The following FGF14 variants were observed in gnomAD, a reference collection of about 807,000 sequenced individuals.
The protein encoded by FGF14 is fibroblast growth factor homologous factor 4.
FGF14 carries 5 observed loss-of-function variants against 25.5 expected under a neutral mutation model. That is an observed-to-expected ratio of 0.20 (90% CI 0.10 to 0.41). The LOEUF (loss-of-function observed/expected upper bound fraction) is 0.41, where lower values mean the gene tolerates loss of function less well. Among genes scored for constraint, FGF14 ranks in the 10% least tolerant of loss-of-function variants. The pLI is 1.00. For synonymous variants in FGF14, 138 were observed against 118.3 expected (o/e 1.17, Z -1.08); for missense variants, 222 against 320.1 (o/e 0.69, Z 2.34).
At chr13:102,277,964 T>C (rs956344267) in intron 1 of FGF14, among the ~76,000 whole-genome samples, 23 of 152,196 alleles carry the variant, frequency 1.5e-4, no homozygotes, top group African/African-American at 5.1e-4. Context: ...CTTTGCAAAA[T>C]GATTGCCCCA....
intron 1 of FGF14, among the ~76,000 whole-genome samples, chr13:102,149,726 G>A (rs547692678): frequency 6.6e-5 from 10 of 152,330 alleles, no homozygotes; most frequent in African/African-American, 2.4e-4. Context: ...ACAGGGCGAC[G>A]AAGTCGAGGG....
At chr13:101,856,378 G>C (rs543292106) in intron 3 of FGF14, among the ~76,000 whole-genome samples, 1 of 151,806 alleles carries the variant, frequency 6.6e-6, no homozygotes, top group South Asian at 2.1e-4. Context: ...TATTCGACTG[G>C]CAATATCTAT....
Position 102,340,680 on chromosome 13 carries a change from A to C in FGF14, c.208+60791T>G, listed in dbSNP as rs563247194. ...AAATAGAGAAAGTGTCCAACAAACAAAACTTAAAATCTATATGTGGATCAA... is the reference window on the plus strand; with the variant it reads ...AAATAGAGAAAGTGTCCAACAAACACAACTTAAAATCTATATGTGGATCAA... On this transcript the variant is annotated intron_variant, in intron 1 of 4. Transcript: ENST00000376131. Among the ~76,000 whole-genome samples the C allele has an allele frequency of 3.9e-5, 6 of 152,332 alleles. No individual in the cohort carries two copies. In the South Asian group the frequency reaches 1.2e-3, roughly 32 times the overall value.
intron 1 of FGF14, among the ~76,000 whole-genome samples, chr13:101,922,258 T>G (rs2034056160): frequency 6.6e-6 from 1 of 152,156 alleles, no homozygotes; most frequent in Admixed American, 6.5e-5. Flanking sequence ...CCAAGACACC[T>G]AAAATTCTAT....
intron 3 of FGF14, among the ~76,000 whole-genome samples, chr13:101,736,741 T>C (rs1403229422): frequency 1.3e-5 from 2 of 152,082 alleles, no homozygotes. Context: ...CATTACCTCA[T>C]TGCATTCCTT....
intron 1 of FGF14, among the ~76,000 whole-genome samples, chr13:102,350,783 GAAGT>G (rs1270453448): frequency 2.0e-5 from 3 of 152,178 alleles, no homozygotes; most frequent in Non-Finnish European, 4.4e-5. Flanking sequence ...AGCTTCCACT[GAAGT>G]AAGGAGTGGC....
chr13:101,842,200 T>C (rs750541478), intron 3 of FGF14, among the ~76,000 whole-genome samples: 3 of 151,966 alleles, frequency 2.0e-5, no homozygotes, highest in Admixed American at 6.6e-5. Context: ...TTTTCCAGTA[T>C]TCTTCTCTGC....
intron 1 of FGF14, among the ~76,000 whole-genome samples, chr13:102,178,862 T>A (rs1469970005): frequency 6.6e-6 from 1 of 152,144 alleles, no homozygotes; most frequent in Non-Finnish European, 1.5e-5. Context: ...TACTTACCAC[T>A]GTACTTTAAA....
At chr13:102,021,647 G>A (rs768259038) in intron 1 of FGF14, among the ~76,000 whole-genome samples, 9 of 152,006 alleles carry the variant, frequency 5.9e-5, no homozygotes, top group Non-Finnish European at 7.4e-5. Flanking sequence ...ACCAAGCAGA[G>A]AAAATTGTTC....
chr13:101,961,711 G>A (rs2036869320), intron 1 of FGF14, among the ~76,000 whole-genome samples: 1 of 152,106 alleles, frequency 6.6e-6, no homozygotes, highest in Non-Finnish European at 1.5e-5. Context: ...ATGGTTTTAT[G>A]AGGGCCTTTT....
chr13:101,714,287 G>T lies in FGF14; in HGVS notation c.*8544C>A. The T allele has an allele frequency of 1.6e-6, 1 of 630,546 alleles. No homozygotes were observed. The highest frequency in any genetic ancestry group is 2.9e-6 in the Non-Finnish European group (1 of 350,200). The allele number at this position is 630,546 out of a possible 1,614,324, so 39.1% of individuals were successfully genotyped here. On this transcript the variant is annotated 3_prime_UTR_variant, in exon 5 of 5. Transcript: ENST00000376143. ...ACCTTTATGAATTACAGTAAGTAAA[G>T]CTCCCCTCTGAGAAACCAGCCATTC...
chr13:102,199,905 C>G (rs757845913), intron 1 of FGF14, among the ~76,000 whole-genome samples: 1 of 152,206 alleles, frequency 6.6e-6, no homozygotes, highest in Admixed American at 6.5e-5. Flanking sequence ...CTTTCCACAG[C>G]ACTTACTAGG....
chr13:101,893,450 C>A lies in FGF14; in HGVS notation c.194-18154G>T, dbSNP rs1318716120. Reference sequence around the variant, plus strand: ...CCTGAAAGCACCTACATTCTTATACCTGAAGTGTGTGACTGTGTTACATGA... The same window carrying A: ...CCTGAAAGCACCTACATTCTTATACATGAAGTGTGTGACTGTGTTACATGA... On this transcript the variant is annotated intron_variant, in intron 1 of 4. Transcript: ENST00000376143. Among the ~76,000 whole-genome samples, 3 of 152,060 alleles carry A rather than the reference C, an allele frequency of 2.0e-5. No homozygotes were observed. In the East Asian group the frequency reaches 5.8e-4, roughly 29 times the overall value.
chr13:101,863,600 G>A (rs989166371), intron 3 of FGF14, among the ~76,000 whole-genome samples: 1 of 152,052 alleles, frequency 6.6e-6, no homozygotes, highest in Non-Finnish European at 1.5e-5. Context: ...ATGAATTCAC[G>A]CAATACTCCA....
chr13:101,751,944 CA>C (rs942305173), intron 3 of FGF14, among the ~76,000 whole-genome samples: 38 of 151,618 alleles, frequency 2.5e-4, no homozygotes, highest in Middle Eastern at 3.4e-3. Flanking sequence ...AACAAACAAA[CA>C]AAAAAAACAA....
intron 1 of FGF14, among the ~76,000 whole-genome samples, chr13:102,188,480 A>G (rs2048960418): frequency 6.6e-6 from 1 of 152,246 alleles, no homozygotes. Flanking sequence ...CTTATGTGCC[A>G]GCAGGCTAAA....
chr13:101,866,596 C>CTAT (rs10527899), intron 3 of FGF14, among the ~76,000 whole-genome samples: 89,001 of 151,642 alleles, frequency 0.59, 27,137 homozygotes, highest in African/African-American at 0.75. Context: ...ATAGATATAG[C>CTAT]TATTATTTTA....
chr13:101,795,899 G>A (rs940184674), intron 3 of FGF14, among the ~76,000 whole-genome samples: 1 of 152,076 alleles, frequency 6.6e-6, no homozygotes, highest in Non-Finnish European at 1.5e-5. Context: ...AAATAGCTCT[G>A]TAATCTTGTG....
At chr13:101,904,056 G>A (rs2031917631) in intron 1 of FGF14, among the ~76,000 whole-genome samples, 1 of 152,162 alleles carries the variant, frequency 6.6e-6, no homozygotes, top group Non-Finnish European at 1.5e-5. Context: ...AATTCATGAG[G>A]GACTCTACAC....
Sources: allele counts gnomAD v4.1 joint callset (sites outside exome capture counted in the v4.1 genomes callset), GRCh38; gene constraint gnomAD v4.1.1; transcripts MANE v1.5; gene names NCBI Gene and HGNC (gene_info 2026-07-23, HGNC 2026-07-21).